Variants in FRRS1 observed in about 807,000 individuals in gnomAD.
FRRS1 encodes the protein ferric reductase 1.
In FRRS1, 51 loss-of-function variants were observed where a neutral mutation model predicts 70.7. The ratio of observed to expected loss-of-function variants is 0.72; its 90% confidence interval spans 0.58 to 0.91. FRRS1 has a LOEUF of 0.91. FRRS1 is among the 40% of genes least tolerant of loss of function. The probability of loss-of-function intolerance (pLI) is 0.00; values close to 1 mark genes in which losing one functional copy is unlikely to be tolerated. For missense variants in FRRS1, 672 were observed against 726.0 expected, an observed-to-expected ratio of 0.93 and a Z score of 0.86; for synonymous variants, 225 against 238.7, an observed-to-expected ratio of 0.94 and a Z score of 0.53.
At chr1:99,748,411 TTAAG>T (rs1357486663) in intron 3 of FRRS1, 158 bp downstream of exon 3, 1 of 611,648 alleles carries the variant, frequency 1.6e-6, no homozygotes, top group African/African-American at 1.9e-5. Context: ...CACAGACTAC[TTAAG>T]TAATACAGTC....
Position 99,708,999 on chromosome 1 carries a change from G to A in FRRS1, c.*29C>T. On this transcript the variant is annotated 3_prime_UTR_variant, in exon 17 of 17. Transcript: ENST00000646001. The stretch of plus-strand genomic sequence containing the variant: ...TTTGGTTTGATGATAATTATCACTT[G>A]GCCTGCAAAAGCCAAGGTCTTTGCT... 1.2e-6 allele frequency: 2 copies of A among 1,613,862 alleles called. No homozygotes were observed. Among genetic ancestry groups the A allele is most frequent in the South Asian group, 1.1e-5 (1 of 91,072 alleles).
intron 1 of FRRS1, among the ~76,000 whole-genome samples, chr1:99,766,116 G>A (rs928247346): frequency 6.6e-6 from 1 of 151,990 alleles, no homozygotes; most frequent in Admixed American, 6.6e-5. Context: ...GAGTCTTTCT[G>A]AAATTTTAAC....
intron 1 of FRRS1, among the ~76,000 whole-genome samples, chr1:99,761,882 A>G (rs976650424): frequency 1.2e-4 from 19 of 152,376 alleles, no homozygotes; most frequent in African/African-American, 4.1e-4. Context: ...AAATAATAGT[A>G]GAAGAGTTAA....
At chr1:99,719,404 T>C (rs1403056721) in intron 10 of FRRS1, 130 bp downstream of exon 10, 7 of 492,488 alleles carry the variant, frequency 1.4e-5, no homozygotes, top group South Asian at 6.2e-5. Flanking sequence ...CGAGACTCCA[T>C]CTCAAAAAAA....
chr1:99,755,704 C>T (rs1480257527), intron 1 of FRRS1, among the ~76,000 whole-genome samples: 1 of 152,110 alleles, frequency 6.6e-6, no homozygotes. Flanking sequence ...GCAAAATACA[C>T]CAAGTGAACC....
At chr1:99,710,736 G>A (rs866304064) in intron 15 of FRRS1, 70 bp downstream of exon 15, 4 of 1,361,474 alleles carry the variant, frequency 2.9e-6, no homozygotes, top group Non-Finnish European at 4.1e-6. Context: ...ATTACTATCG[G>A]GAAGCGCATT....
Position 99,736,630 on chromosome 1 carries a change from G to T in FRRS1, c.759+1456C>A, listed in dbSNP as rs1655672135. ...TCCGGGGACTGTTGTGGGGTGGGGA[G>T]AGTGGGGAGGGATAGCATTAGGAGA... is the stretch of plus-strand genomic sequence containing the variant. On this transcript the variant is annotated intron_variant, in intron 7 of 16. Coordinates refer to ENST00000646001, the MANE Select transcript of FRRS1 (RefSeq NM_001361041.2). 2.0e-5 allele frequency among the ~76,000 whole-genome samples: 2 copies of T among 101,578 alleles called. 1 individual carries two copies. The highest frequency in any genetic ancestry group is 7.1e-4 in the South Asian group (2 of 2,830). 66.6% of individuals were successfully genotyped at this position (101,578 alleles called of 152,430 possible).
At chr1:99,712,653 A>G (rs1388995391) in intron 12 of FRRS1, 138 bp from the exon 13 acceptor site, 1 of 544,980 alleles carries the variant, frequency 1.8e-6, no homozygotes, top group Non-Finnish European at 3.3e-6. Context: ...TAATAATAAT[A>G]TGCAACATTC....
At chr1:99,752,113 ATCT>A (rs1656599787) in intron 1 of FRRS1, among the ~76,000 whole-genome samples, 1 of 152,146 alleles carries the variant, frequency 6.6e-6, no homozygotes, top group Non-Finnish European at 1.5e-5. Flanking sequence ...GGTTGGTTTG[ATCT>A]TCTATCCAGA....
intron 12 of FRRS1, among the ~76,000 whole-genome samples, chr1:99,713,756 C>A (rs562648360): frequency 4.9e-4 from 75 of 152,158 alleles, no homozygotes; most frequent in Non-Finnish European, 8.4e-4. Context: ...GTGGATATCC[C>A]AGCTCTGACT....
intron 1 of FRRS1, among the ~76,000 whole-genome samples, chr1:99,758,350 C>G (rs1379186423): frequency 3.3e-5 from 5 of 152,090 alleles, no homozygotes; most frequent in African/African-American, 4.8e-5. Context: ...ATTGAAATTC[C>G]AAACTGAGTT....
chr1:99,743,353 G>A (rs1656068955), intron 4 of FRRS1, among the ~76,000 whole-genome samples: 1 of 152,028 alleles, frequency 6.6e-6, no homozygotes, highest in East Asian at 1.9e-4. Context: ...GAAGTGCATA[G>A]GTCCACTTAT....
In FRRS1 at chr1:99,708,999, G is replaced by T. The variant is rs878894759; in HGVS notation, c.*29C>A. The T allele has an allele frequency of 6.2e-7, 1 of 1,613,862 alleles. No homozygotes were observed. Among genetic ancestry groups the T allele is most frequent in the Non-Finnish European group, 8.5e-7 (1 of 1,179,944 alleles). On this transcript the variant is annotated 3_prime_UTR_variant, in exon 17 of 17. Coordinates refer to ENST00000646001, the MANE Select transcript of FRRS1 (RefSeq NM_001361041.2). ...TTTGGTTTGATGATAATTATCACTT[G>T]GCCTGCAAAAGCCAAGGTCTTTGCT...
chr1:99,715,788 CA>C, intron 11 of FRRS1, 116 bp from the exon 12 acceptor site: 1 of 519,750 alleles, frequency 1.9e-6, no homozygotes, highest in Non-Finnish European at 3.6e-6. Flanking sequence ...GGCATGCATT[CA>C]ACTGACATCT....
chr1:99,742,299 C>T, intron 4 of FRRS1, 26 bp from the exon 5 acceptor site: 1 of 1,376,254 alleles, frequency 7.3e-7, no homozygotes, highest in East Asian at 2.3e-5. Flanking sequence ...AAAGAGCTAC[C>T]ATTCAGTCAC....
At chr1:99,763,522 T>C (rs1486324653) in intron 1 of FRRS1, among the ~76,000 whole-genome samples, 1 of 152,192 alleles carries the variant, frequency 6.6e-6, no homozygotes, top group Non-Finnish European at 1.5e-5. Flanking sequence ...GTTAACAATA[T>C]CTTAGTAAAT....
At position 99,708,909 on chromosome 1, in the gene FRRS1, AC is replaced by A; in HGVS notation, c.*118del. On this transcript the variant is annotated 3_prime_UTR_variant, in exon 17 of 17. Coordinates refer to ENST00000646001, the MANE Select transcript of FRRS1 (RefSeq NM_001361041.2). ...ACTTCAGAATTCCTCTACAGACATGACCCCAGTCTTCCAAGTGAGAATTCAC... is the reference window on the plus strand; with the variant it reads ...ACTTCAGAATTCCTCTACAGACATGACCCAGTCTTCCAAGTGAGAATTCAC... 6.2e-7 allele frequency: 1 copy of A among 1,612,006 alleles called. No individual in the cohort carries two copies. The highest frequency in any genetic ancestry group is 8.5e-7 in the Non-Finnish European group (1 of 1,178,374).
chr1:99,758,859 T>C (rs1274963813), intron 1 of FRRS1, among the ~76,000 whole-genome samples: 5 of 152,132 alleles, frequency 3.3e-5, no homozygotes, highest in African/African-American at 4.8e-5. Flanking sequence ...GGGGGAGGCC[T>C]ATAAATGGCC....
chr1:99,741,677 A>G (rs1423426113), intron 5 of FRRS1, among the ~76,000 whole-genome samples: 1 of 152,234 alleles, frequency 6.6e-6, no homozygotes. Flanking sequence ...GAGTCATCCA[A>G]ATTTCAAGAC....
Sources: gnomAD v4.1 joint callset for allele counts (sites outside exome capture counted in the v4.1 genomes callset) on GRCh38, gnomAD v4.1.1 for gene constraint, MANE v1.5 for transcripts, NCBI Gene and HGNC (gene_info 2026-07-23, HGNC 2026-07-21) for gene names.